PTPRN2: variants seen among roughly 807,000 people sequenced by gnomAD.
The protein encoded by PTPRN2 is receptor-type tyrosine-protein phosphatase N2.
PTPRN2 carries 74 observed loss-of-function variants against 118.8 expected under a neutral mutation model. The ratio of observed to expected loss-of-function variants is 0.62; its 90% CI spans 0.52 to 0.76. The LOEUF (loss-of-function observed/expected upper bound fraction) is 0.76. Ranked by LOEUF, PTPRN2 falls within the 30% of genes least tolerant of loss-of-function variation. PTPRN2 has a pLI of 0.00. For missense variants in PTPRN2, 1,481 were observed against 1,394.4 expected, an observed-to-expected ratio of 1.06 and a Z score of -0.99; for synonymous variants, 641 against 608.0, an observed-to-expected ratio of 1.05 and a Z score of -0.80.
intron 12 of PTPRN2, among the ~76,000 whole-genome samples, chr7:157,768,283 C>T (rs756461848): frequency 6.6e-6 from 1 of 152,224 alleles, no homozygotes; most frequent in African/African-American, 2.4e-5. Flanking sequence ...TTACAGTCAA[C>T]GGATCGTCCT....
intron 12 of PTPRN2, among the ~76,000 whole-genome samples, chr7:157,771,326 A>T (rs968059498): frequency 1.3e-5 from 2 of 152,232 alleles, no homozygotes; most frequent in Non-Finnish European, 2.9e-5. Context: ...AGGGCTCTCC[A>T]ATTTGGGATA....
At chr7:157,573,853 A>G (rs1799880735) in intron 19 of PTPRN2, among the ~76,000 whole-genome samples, 1 of 152,218 alleles carries the variant, frequency 6.6e-6, no homozygotes, top group Non-Finnish European at 1.5e-5. Flanking sequence ...TAATTTTCAT[A>G]TCCGTACCAG....
intron 21 of PTPRN2, among the ~76,000 whole-genome samples, chr7:157,552,674 T>C (rs1798690597): frequency 6.6e-6 from 1 of 152,236 alleles, no homozygotes; most frequent in African/African-American, 2.4e-5. Flanking sequence ...TATTGGCTTT[T>C]AAGAAATTTT....
Position 158,231,093 on chromosome 7 carries a change from T to A in PTPRN2, c.278-25820A>T, listed in dbSNP as rs149721773. Reference sequence around the variant, plus strand: ...GCCAGCCTGGGCAATACAGTGAGACTCCATCTCTATAAAAAAATCAAAAAT... The same window carrying A: ...GCCAGCCTGGGCAATACAGTGAGACACCATCTCTATAAAAAAATCAAAAAT... On this transcript the variant is annotated intron_variant, in intron 3 of 22. Transcript: ENST00000389418. Among the ~76,000 whole-genome samples the A allele has an allele frequency of 8.9e-3, 1,352 of 152,128 alleles. 25 individuals carry two copies. The highest frequency in any genetic ancestry group is 0.031 in the African/African-American group (1,280 of 41,496).
At chr7:158,262,600 TCACACACACTGCA>T (rs1166158968) in intron 3 of PTPRN2, among the ~76,000 whole-genome samples, 7 of 118,926 alleles carry the variant, frequency 5.9e-5, no homozygotes, top group African/African-American at 2.3e-4. Flanking sequence ...TCACACACAT[TCACACACACTGCA>T]CACACACATA....
chr7:157,644,802 CA>C (rs749501197), intron 14 of PTPRN2, among the ~76,000 whole-genome samples: 441 of 72,358 alleles, frequency 6.1e-3, no homozygotes, highest in Non-Finnish European at 8.0e-3. Context: ...TCTCAAAAAA[CA>C]AAAAAAAAAA....
chr7:158,456,114 A>G (rs899444168), intron 2 of PTPRN2, among the ~76,000 whole-genome samples: 5 of 150,948 alleles, frequency 3.3e-5, no homozygotes, highest in South Asian at 4.3e-4. Context: ...GGAGAAGACA[A>G]CAGCCACCCA....
Position 157,848,451 on chromosome 7 carries a change from C to T in PTPRN2, c.1788+50222G>A, listed in dbSNP as rs184971817. On this transcript the variant is annotated intron_variant, in intron 12 of 22. Transcript: ENST00000389418. ...TCATGTGTGCCTGATGTTTACAGAGCCCTCTCTCACTGCATCATGCGTGCC... is the reference window on the plus strand; with the variant it reads ...TCATGTGTGCCTGATGTTTACAGAGTCCTCTCTCACTGCATCATGCGTGCC... Among the ~76,000 whole-genome samples, 14 of 152,302 alleles carry T rather than the reference C, an allele frequency of 9.2e-5. No individual in the cohort carries two copies. The East Asian group carries it at 2.3e-3, about 25-fold the overall frequency.
chr7:158,401,903 C>T lies in PTPRN2; in HGVS notation c.164-84971G>A, dbSNP rs1041717158. Among the ~76,000 whole-genome samples the T allele has an allele frequency of 7.9e-5, 12 of 152,096 alleles. No individual in the cohort carries two copies. The East Asian group carries it at 9.7e-4, about 12-fold the overall frequency. On this transcript the variant is annotated intron_variant, in intron 2 of 22. Coordinates refer to ENST00000389418, the MANE Select transcript of PTPRN2 (RefSeq NM_002847.5). ...GAATCCATAGAGATGTCCACACTGC[C>T]GCCCAGACCTCCCAGGCCTCTCTCC...
intron 2 of PTPRN2, among the ~76,000 whole-genome samples, chr7:158,412,650 C>A (rs1207934224): frequency 9.2e-6 from 1 of 108,492 alleles, no homozygotes; most frequent in East Asian, 3.1e-4. Context: ...CCCTCCTCAA[C>A]ACCAGGGCCC....
At chr7:158,446,481 A>G (rs1427405957) in intron 2 of PTPRN2, among the ~76,000 whole-genome samples, 1 of 150,756 alleles carries the variant, frequency 6.6e-6, no homozygotes, top group South Asian at 2.1e-4. Flanking sequence ...CAGGCTCTGC[A>G]ATGGACACAC....
intron 11 of PTPRN2, among the ~76,000 whole-genome samples, chr7:157,911,841 C>CTGTG (rs34862634): frequency 0.27 from 41,102 of 151,880 alleles, 6,569 homozygotes; most frequent in Non-Finnish European, 0.37. Flanking sequence ...CATACACGTT[C>CTGTG]TGTGATGTGC....
intron 4 of PTPRN2, among the ~76,000 whole-genome samples, chr7:158,203,427 G>A (rs574073513): frequency 2.0e-5 from 3 of 152,016 alleles, no homozygotes; most frequent in African/African-American, 4.8e-5. Context: ...ATAAAAACTG[G>A]CAATTTTTCC....
At chr7:157,776,245 C>T (rs1706006983) in intron 12 of PTPRN2, among the ~76,000 whole-genome samples, 1 of 67,868 alleles carries the variant, frequency 1.5e-5, no homozygotes, top group African/African-American at 9.6e-5. Flanking sequence ...TTCCTCCCTC[C>T]TCTCCCTCTC....
chr7:158,308,493 T>G (rs1801464493), intron 3 of PTPRN2, among the ~76,000 whole-genome samples: 2 of 152,154 alleles, frequency 1.3e-5, no homozygotes, highest in Non-Finnish European at 2.9e-5. Context: ...TTTCTCCTAA[T>G]TTTCTTTAAA....
intron 11 of PTPRN2, among the ~76,000 whole-genome samples, chr7:158,007,357 G>A (rs1479909071): frequency 6.6e-6 from 1 of 152,124 alleles, no homozygotes; most frequent in Non-Finnish European, 1.5e-5. Flanking sequence ...GGCAGGAGGT[G>A]TCCTGGCCCT....
chr7:158,062,567 T>C (rs1810426919), intron 11 of PTPRN2, among the ~76,000 whole-genome samples: 1 of 151,388 alleles, frequency 6.6e-6, no homozygotes, highest in South Asian at 2.1e-4. Context: ...TGGGGAGGTG[T>C]GGAGGGAGAG....
rs1800989638 is a variant in PTPRN2 at position 157,953,867 on chromosome 7, G to A, written c.1724-55130C>T. ...AATGTAAGCAAATCCGCATTTCGAA[G>A]CAGAAATCGCTGGTTTAAATATTCT... On this transcript the variant is annotated intron_variant, in intron 11 of 22. Coordinates refer to ENST00000389418, the MANE Select transcript of PTPRN2 (RefSeq NM_002847.5). The surrounding 1 kb of genome is among the most constrained non-coding windows in gnomAD (Gnocchi z 4.6). 6.6e-6 allele frequency among the ~76,000 whole-genome samples: 1 copy of A among 152,180 alleles called. No individual in the cohort carries two copies. The highest frequency in any genetic ancestry group is 1.5e-5 in the Non-Finnish European group (1 of 68,048).
chr7:158,485,192 C>T (rs1428287127), intron 2 of PTPRN2, among the ~76,000 whole-genome samples: 1 of 152,088 alleles, frequency 6.6e-6, no homozygotes, highest in African/African-American at 2.4e-5. Context: ...GAGCCATCCT[C>T]CCCCACCTGT....
Sources: gnomAD v4.1 joint callset for allele counts (sites outside exome capture counted in the v4.1 genomes callset) on GRCh38, gnomAD v4.1.1 for gene constraint, Gnocchi (gnomAD v3.1) non-coding constraint, MANE v1.5 for transcripts, NCBI Gene and HGNC (gene_info 2026-07-23, HGNC 2026-07-21) for gene names.